EHD4: variants seen among roughly 807,000 people sequenced by gnomAD.
EHD4 encodes the protein EH domain-containing protein 4.
In EHD4, 37 loss-of-function variants were observed where a neutral mutation model predicts 51.0. The observed-to-expected ratio is 0.73, with a 90% CI of 0.56 to 0.95. The LOEUF (loss-of-function observed/expected upper bound fraction) is 0.95. Ranked by LOEUF, EHD4 falls within the 40% of genes least tolerant of loss-of-function variation. The pLI is 0.00. For synonymous variants in EHD4, 297 were observed against 317.3 expected (o/e 0.94, Z 0.68); for missense variants, 632 against 733.1 (o/e 0.86, Z 1.59).
In EHD4 at chr15:41,919,569, T is replaced by C; in HGVS notation, c.565A>G (p.Ile189Val). 6.6e-7 allele frequency: 1 copy of C among 1,523,658 alleles called. No individual in the cohort carries two copies. Among genetic ancestry groups the C allele is most frequent in the Non-Finnish European group, 8.8e-7 (1 of 1,137,852 alleles). 94.4% of individuals were successfully genotyped at this position (1,523,658 alleles called of 1,614,324 possible). Residue 189 changes from isoleucine (I) to valine (V), a missense_variant, in exon 4 of 6, where the codon ATC becomes GTC. By Grantham distance (29) the Ile-to-Val change is conservative. Transcript: ENST00000220325. ...AGCTTGTGAGCGTCAAAGAGCAGGA[T>C]GATCCTGTCCACCCTCTCGGCAAAC... ...QWFAERVDRIILLFDAHKLDI... is the reference protein window; with the variant it reads ...QWFAERVDRIVLLFDAHKLDI...
chr15:41,963,185 A>T (rs1566828015), intron 1 of EHD4, among the ~76,000 whole-genome samples: 2 of 152,024 alleles, frequency 1.3e-5, no homozygotes, highest in South Asian at 4.2e-4. Context: ...TGCCTAGGAA[A>T]ACCAGAGACC....
intron 2 of EHD4, among the ~76,000 whole-genome samples, chr15:41,949,262 C>T (rs1268701481): frequency 2.0e-5 from 3 of 151,058 alleles, no homozygotes; most frequent in Non-Finnish European, 2.9e-5. Flanking sequence ...CCCAGCTACT[C>T]GGGAGGCTGA....
chr15:41,970,608 T>C (rs1324701693), intron 1 of EHD4, among the ~76,000 whole-genome samples: 1 of 152,236 alleles, frequency 6.6e-6, no homozygotes, highest in African/African-American at 2.4e-5. Context: ...TGGCTAGCTA[T>C]CCAGTCTATG....
chr15:41,953,659 G>T, intron 2 of EHD4, 105 bp downstream of exon 2: 1 of 1,228,306 alleles, frequency 8.1e-7, no homozygotes, highest in Non-Finnish European at 1.1e-6. Flanking sequence ...TTCTAGAGCA[G>T]AGATTCTTTG....
At chr15:41,956,441 G>A (rs945013314) in intron 1 of EHD4, among the ~76,000 whole-genome samples, 2 of 152,226 alleles carry the variant, frequency 1.3e-5, no homozygotes, top group African/African-American at 2.4e-5. Flanking sequence ...CATCACTGTC[G>A]AGGAGTGCCT....
intron 5 of EHD4, among the ~76,000 whole-genome samples, chr15:41,902,066 A>T (rs541265369): frequency 1.3e-4 from 20 of 152,242 alleles, no homozygotes; most frequent in Non-Finnish European, 2.5e-4. Context: ...TCTTAGCTCT[A>T]CCTGTTGAGT....
intron 1 of EHD4, among the ~76,000 whole-genome samples, chr15:41,958,247 C>T (rs980981802): frequency 6.6e-6 from 1 of 151,958 alleles, no homozygotes; most frequent in Non-Finnish European, 1.5e-5. Flanking sequence ...CTCGGAGAGG[C>T]CTGCCAATTC....
intron 3 of EHD4, among the ~76,000 whole-genome samples, chr15:41,924,795 G>A (rs568558817): frequency 2.2e-4 from 34 of 152,170 alleles, no homozygotes; most frequent in African/African-American, 7.5e-4. Flanking sequence ...CATTTTTCAC[G>A]CCTGTAATCC....
chr15:41,914,782 A>G (rs1373885703), intron 4 of EHD4, among the ~76,000 whole-genome samples: 1 of 118,226 alleles, frequency 8.5e-6, no homozygotes, highest in Non-Finnish European at 1.7e-5. Context: ...TCTTTACAGG[A>G]GAATTTTTTT....
At chr15:41,967,189 T>C (rs537737613) in intron 1 of EHD4, among the ~76,000 whole-genome samples, 4 of 152,296 alleles carry the variant, frequency 2.6e-5, no homozygotes, top group African/African-American at 9.6e-5. Context: ...CTCCCCACCC[T>C]CACTCCCTGG....
chr15:41,923,251 C>T (rs565435367), intron 3 of EHD4, among the ~76,000 whole-genome samples: 2 of 152,188 alleles, frequency 1.3e-5, no homozygotes, highest in East Asian at 1.9e-4. Context: ...CTTTTGTGCC[C>T]GGCTTCTTTC....
In EHD4 at chr15:41,968,690, T is replaced by C. The variant is rs752291183; in HGVS notation, c.236+3569A>G. ...CATTTCTATTTTAAATTATTACACA[T>C]AGATGCAGAAATTACTTGGCTGGCG... On this transcript the variant is annotated intron_variant, in intron 1 of 5. Coordinates refer to ENST00000220325, the MANE Select transcript of EHD4 (RefSeq NM_139265.4). 6.6e-5 allele frequency among the ~76,000 whole-genome samples: 10 copies of C among 152,338 alleles called. 1 individual carries two copies. Among genetic ancestry groups the C allele is most frequent in the South Asian group, 6.2e-4 (3 of 4,826 alleles).
chr15:41,928,769 C>A (rs968511993), intron 3 of EHD4: 1 of 152,170 alleles, frequency 6.6e-6, no homozygotes, highest in Non-Finnish European at 1.5e-5. Context: ...AGCAACTACA[C>A]CCCCGAGGAA....
At position 41,899,184 on chromosome 15, in the gene EHD4, A is replaced by G. The variant is rs547290223; in HGVS notation, c.*1461T>C. The G allele has an allele frequency of 2.8e-4, 42 of 152,344 alleles. No individual in the cohort carries two copies. The highest frequency in any genetic ancestry group is 1.0e-3 in the African/African-American group (42 of 41,572). 9.4% of individuals were successfully genotyped at this position (152,344 alleles called of 1,614,324 possible). Reference sequence around the variant, plus strand: ...ATTGCTGTTTCGTGTCTCTTCCTGCATAAATAATGCAGAGAGGCCATGCAG... The same window carrying G: ...ATTGCTGTTTCGTGTCTCTTCCTGCGTAAATAATGCAGAGAGGCCATGCAG... On this transcript the variant is annotated 3_prime_UTR_variant, in exon 6 of 6. Coordinates refer to ENST00000220325, the MANE Select transcript of EHD4 (RefSeq NM_139265.4).
At chr15:41,902,651 G>A (rs2140981217) in intron 5 of EHD4, among the ~76,000 whole-genome samples, 1 of 152,082 alleles carries the variant, frequency 6.6e-6, no homozygotes, top group East Asian at 1.9e-4. Flanking sequence ...GCTCACACCT[G>A]TAATCCCAGC....
intron 3 of EHD4, among the ~76,000 whole-genome samples, chr15:41,929,563 G>C (rs1432254625): frequency 6.6e-6 from 1 of 152,254 alleles, no homozygotes; most frequent in Non-Finnish European, 1.5e-5. Context: ...CCCATTTAAA[G>C]AAGGCTGAGC....
At chr15:41,940,898 C>A (rs565724198) in intron 3 of EHD4, among the ~76,000 whole-genome samples, 1 of 152,250 alleles carries the variant, frequency 6.6e-6, no homozygotes, top group African/African-American at 2.4e-5. Context: ...AAAACAAATG[C>A]ATATGGTGGG....
At chr15:41,967,031 G>C (rs1743204389) in intron 1 of EHD4, among the ~76,000 whole-genome samples, 1 of 152,182 alleles carries the variant, frequency 6.6e-6, no homozygotes, top group Non-Finnish European at 1.5e-5. Flanking sequence ...ACCCCTCATG[G>C]ACATCGCCAC....
intron 5 of EHD4, among the ~76,000 whole-genome samples, chr15:41,901,587 C>A (rs922494311): frequency 2.0e-5 from 3 of 152,196 alleles, no homozygotes; most frequent in Admixed American, 6.5e-5. Context: ...TTACAGAGAG[C>A]TGTGAGGGGC....
Sources: allele counts gnomAD v4.1 joint callset (sites outside exome capture counted in the v4.1 genomes callset), GRCh38; gene constraint gnomAD v4.1.1; transcripts MANE v1.5; gene names NCBI Gene and HGNC (gene_info 2026-07-23, HGNC 2026-07-21).